TMEM132D: variants seen among roughly 807,000 people sequenced by gnomAD.
TMEM132D encodes the protein transmembrane protein 132D, also known as mature OL transmembrane protein.
TMEM132D carries 21 observed loss-of-function variants against 62.3 expected under a neutral mutation model. That is an observed-to-expected ratio of 0.34 (90% CI 0.24 to 0.49). TMEM132D has a LOEUF of 0.49. TMEM132D is among the 20% of genes least tolerant of loss of function. The pLI, the probability that TMEM132D is intolerant of heterozygous loss-of-function variation, is 0.99. For missense variants in TMEM132D, 1,346 were observed against 1,402.8 expected (o/e 0.96, Z 0.65); for synonymous variants, 621 against 575.6 (o/e 1.08, Z -1.13).
intron 2 of TMEM132D, among the ~76,000 whole-genome samples, chr12:129,693,855 G>C (rs1843791528): frequency 6.6e-6 from 1 of 152,160 alleles, no homozygotes; most frequent in Admixed American, 6.5e-5. Flanking sequence ...GTATGAACAA[G>C]CTTGTGCAGC....
chr12:129,443,956 G>A (rs931942017), intron 3 of TMEM132D, among the ~76,000 whole-genome samples: 3 of 152,100 alleles, frequency 2.0e-5, no homozygotes, highest in African/African-American at 7.2e-5. Context: ...GTACAATAAG[G>A]TCACACACCT....
intron 2 of TMEM132D, among the ~76,000 whole-genome samples, chr12:129,674,482 G>T (rs1880580304): frequency 6.6e-6 from 1 of 152,064 alleles, no homozygotes; most frequent in Non-Finnish European, 1.5e-5. Flanking sequence ...TCTCTTATTT[G>T]TATAATTTTT....
chr12:129,072,659 A>C lies in TMEM132D; in HGVS notation c.*1216T>G, dbSNP rs190557670. ...GGCTGGGCTTCCTGCTGGATCCACC[A>C]CTTTCACACCCAGAACCCCCCCAAC... On this transcript the variant is annotated 3_prime_UTR_variant, in exon 9 of 9. Coordinates refer to ENST00000422113, the MANE Select transcript of TMEM132D (RefSeq NM_133448.3). 2 of 152,248 alleles carry C rather than the reference A, an allele frequency of 1.3e-5. No homozygotes were observed. Among genetic ancestry groups the C allele is most frequent in the South Asian group, 2.1e-4 (1 of 4,806 alleles). The allele number at this position is 152,248 out of a possible 1,614,324, so 9.4% of individuals were successfully genotyped here.
At chr12:129,522,913 T>C (rs1875894834) in intron 3 of TMEM132D, 1 of 151,178 alleles carries the variant, frequency 6.6e-6, no homozygotes, top group Non-Finnish European at 1.5e-5. Context: ...ATTAGATATA[T>C]ATGTAGACAT....
intron 2 of TMEM132D, among the ~76,000 whole-genome samples, chr12:129,699,143 C>G (rs1354234386): frequency 1.3e-5 from 2 of 152,210 alleles, no homozygotes; most frequent in African/African-American, 4.8e-5. Context: ...TAGCTTCTCT[C>G]ATACGTTATA....
chr12:129,788,915 T>C (rs1871319199), intron 1 of TMEM132D, among the ~76,000 whole-genome samples: 1 of 151,904 alleles, frequency 6.6e-6, no homozygotes, highest in Non-Finnish European at 1.5e-5. Context: ...GGGAGGGCAA[T>C]GAGGCAGGGA....
chr12:129,398,834 T>TCATC (rs138005852), intron 3 of TMEM132D, among the ~76,000 whole-genome samples: 5,018 of 71,286 alleles, frequency 0.07, 109 homozygotes, highest in South Asian at 0.12. Context: ...ATTTATGTAT[T>TCATC]CATCCATCCA....
intron 4 of TMEM132D, among the ~76,000 whole-genome samples, chr12:129,253,071 T>C (rs1287114304): frequency 6.8e-6 from 1 of 147,638 alleles, no homozygotes; most frequent in East Asian, 2.1e-4. Flanking sequence ...GGGATAGCAT[T>C]AGGAGATATA....
chr12:129,311,836 C>G (rs952143647), intron 4 of TMEM132D, among the ~76,000 whole-genome samples: 1 of 152,046 alleles, frequency 6.6e-6, no homozygotes, highest in Admixed American at 6.6e-5. Context: ...CCAGGAATAC[C>G]GAAGGAGAGA....
intron 1 of TMEM132D, chr12:129,852,279 C>G (rs573916270): frequency 6.6e-6 from 1 of 152,376 alleles, no homozygotes; most frequent in African/African-American, 2.4e-5. Flanking sequence ...CGCAGTGGCT[C>G]ACACCTGTAA....
intron 3 of TMEM132D, among the ~76,000 whole-genome samples, chr12:129,484,946 A>C (rs1874539722): frequency 6.6e-6 from 1 of 152,242 alleles, no homozygotes. Flanking sequence ...CCAATGTTTT[A>C]GAGGACTCTG....
At chr12:129,426,193 G>A (rs1259443946) in intron 3 of TMEM132D, among the ~76,000 whole-genome samples, 1 of 152,070 alleles carries the variant, frequency 6.6e-6, no homozygotes, top group Non-Finnish European at 1.5e-5. Context: ...TCCCTGCATG[G>A]TTTTCATCCC....
intron 5 of TMEM132D, among the ~76,000 whole-genome samples, chr12:129,105,333 A>C (rs1875458988): frequency 1.4e-5 from 2 of 142,828 alleles, no homozygotes; most frequent in South Asian, 4.5e-4. Flanking sequence ...CACAGGTGGG[A>C]ATTGAACAAT....
At chr12:129,147,261 T>TATGTGCATATGTATATACATAC in intron 5 of TMEM132D, among the ~76,000 whole-genome samples, 1 of 142,412 alleles carries the variant, frequency 7.0e-6, no homozygotes, top group Non-Finnish European at 1.5e-5. Flanking sequence ...TATATATACA[T>TATGTGCATATGTATATACATAC]ATGTGCATAT....
intron 1 of TMEM132D, among the ~76,000 whole-genome samples, chr12:129,784,516 A>G (rs1484535887): frequency 6.6e-6 from 1 of 152,224 alleles, no homozygotes; most frequent in Non-Finnish European, 1.5e-5. Flanking sequence ...GATTCTTTGC[A>G]TGCCTTAGGG....
chr12:129,686,025 G>A (rs1438421522), intron 2 of TMEM132D, among the ~76,000 whole-genome samples: 1 of 152,120 alleles, frequency 6.6e-6, no homozygotes, highest in Non-Finnish European at 1.5e-5. Flanking sequence ...ACTTGCTTTC[G>A]ATTTTACAGG....
At chr12:129,680,263 G>A (rs1411706878) in intron 2 of TMEM132D, among the ~76,000 whole-genome samples, 1 of 152,120 alleles carries the variant, frequency 6.6e-6, no homozygotes, top group Non-Finnish European at 1.5e-5. Flanking sequence ...TCAGATCCCT[G>A]CTTTTGATAG....
intron 1 of TMEM132D, among the ~76,000 whole-genome samples, chr12:129,819,231 C>CCG (rs1221518020): frequency 2.6e-5 from 4 of 151,794 alleles, no homozygotes; most frequent in Non-Finnish European, 5.9e-5. Context: ...CTACCTACCC[C>CCG]ACAGTGCCAA....
chr12:129,454,730 G>A (rs1873405873), intron 3 of TMEM132D, among the ~76,000 whole-genome samples: 1 of 152,190 alleles, frequency 6.6e-6, no homozygotes, highest in Non-Finnish European at 1.5e-5. Flanking sequence ...CAAAAGAACT[G>A]ATTCCACCAT....
Sources: gnomAD v4.1 joint callset for allele counts (sites outside exome capture counted in the v4.1 genomes callset) on GRCh38, gnomAD v4.1.1 for gene constraint, MANE v1.5 for transcripts, NCBI Gene and HGNC (gene_info 2026-07-23, HGNC 2026-07-21) for gene names.